Variants in PALS2 observed in about 807,000 individuals in gnomAD.
PALS2 encodes the protein protein PALS2.
A neutral mutation model predicts 61.6 loss-of-function variants in PALS2; 27 were observed. The observed-to-expected ratio is 0.44, with a 90% CI of 0.32 to 0.60. The LOEUF (loss-of-function observed/expected upper bound fraction) is 0.60, where lower values mean the gene tolerates loss of function less well. PALS2 is among the 20% of genes least tolerant of loss of function. The pLI is 0.05. For missense variants in PALS2, 554 were observed against 639.4 expected, an observed-to-expected ratio of 0.87 and a Z score of 1.44; for synonymous variants, 236 against 218.6, an observed-to-expected ratio of 1.08 and a Z score of -0.70.
At chr7:24,625,101 A>G (rs548511200) in intron 2 of PALS2, among the ~76,000 whole-genome samples, 18 of 152,272 alleles carry the variant, frequency 1.2e-4, no homozygotes, top group South Asian at 6.2e-4. Context: ...TTTCAGATTC[A>G]AACTTGTCAT....
rs187133660 is a variant in PALS2, at chr7:24,606,995, G to T, written c.-2-16671G>T. On this transcript the variant is annotated intron_variant, in intron 1 of 11. Transcript: ENST00000222644. ...CAAAGTTTTGACTATGACCTGTCACGTGAGGTCAGGTGTGGAATTTTCCAC... is the reference window on the plus strand; with the variant it reads ...CAAAGTTTTGACTATGACCTGTCACTTGAGGTCAGGTGTGGAATTTTCCAC... Among the ~76,000 whole-genome samples, 15 of 152,224 alleles carry T rather than the reference G, an allele frequency of 9.9e-5. 1 individual carries two copies. Among genetic ancestry groups the T allele is most frequent in the Admixed American group, 7.2e-4 (11 of 15,268 alleles).
chr7:24,576,119 A>G (rs1246474304), intron 1 of PALS2, among the ~76,000 whole-genome samples: 1 of 152,260 alleles, frequency 6.6e-6, no homozygotes, highest in East Asian at 1.9e-4. Flanking sequence ...TAGGCGGAGA[A>G]AAATTATGCT....
intron 7 of PALS2, 129 bp from the exon 8 acceptor site, chr7:24,665,892 T>C (rs1786992804): frequency 9.8e-7 from 1 of 1,015,886 alleles, no homozygotes; most frequent in African/African-American, 1.6e-5. Flanking sequence ...TTAACTCACC[T>C]CCACCCTCTT....
intron 6 of PALS2, among the ~76,000 whole-genome samples, chr7:24,665,258 A>T (rs1238342542): frequency 6.6e-6 from 1 of 152,230 alleles, no homozygotes; most frequent in Non-Finnish European, 1.5e-5. Context: ...AAAGGGTGCT[A>T]GATAAAATGT....
At chr7:24,651,837 A>G (rs148680608) in intron 5 of PALS2, among the ~76,000 whole-genome samples, 45 of 152,336 alleles carry the variant, frequency 3.0e-4, no homozygotes, top group African/African-American at 9.1e-4. Flanking sequence ...TAGTTCTTAC[A>G]TTTCCATACA....
In PALS2 at chr7:24,630,398, G is replaced by A. The variant is rs11761409; in HGVS notation, c.117+6614G>A. 2.0e-5 allele frequency among the ~76,000 whole-genome samples: 3 copies of A among 152,188 alleles called. No homozygotes were observed. The South Asian group carries it at 6.2e-4, about 32-fold the overall frequency. ...TACCTAATGTAGATGATGGGTTGAT[G>A]GGTGCAGCAAACCACCATGGCACAT... On this transcript the variant is annotated intron_variant, in intron 2 of 11. Coordinates refer to ENST00000222644, the MANE Select transcript of PALS2 (RefSeq NM_001303037.2).
Position 24,688,839 on chromosome 7 carries a change from A to T in PALS2, c.*1225A>T, listed in dbSNP as rs969551762. On this transcript the variant is annotated 3_prime_UTR_variant, in exon 12 of 12. Transcript: ENST00000222644. ...TTTTTGTTTGTTTGTTTTGAGATGG[A>T]GTCTCTCTCTGTCACCCATGCTGGA... 1.3e-5 allele frequency: 2 copies of T among 151,558 alleles called. No homozygotes were observed. The highest frequency in any genetic ancestry group is 1.3e-4 in the Admixed American group (2 of 15,206). The allele number at this position is 151,558 out of a possible 1,614,324, so 9.4% of individuals were successfully genotyped here.
intron 5 of PALS2, among the ~76,000 whole-genome samples, chr7:24,652,571 A>G (rs1235688231): frequency 6.6e-6 from 1 of 151,984 alleles, no homozygotes; most frequent in Non-Finnish European, 1.5e-5. Context: ...GGCTTCCAAA[A>G]GAACATCCAA....
chr7:24,668,367 C>G, intron 8 of PALS2, 132 bp from the exon 9 acceptor site: 1 of 770,488 alleles, frequency 1.3e-6, no homozygotes, highest in Non-Finnish European at 2.0e-6. Context: ...AAAAACAAAT[C>G]TATGCTAAGT....
In PALS2 at chr7:24,595,460, T is replaced by A. The variant is rs534172004; in HGVS notation, c.-3+21867T>A. On this transcript the variant is annotated intron_variant, in intron 1 of 11. Transcript: ENST00000222644. ...TAAAATACATAATATATAATATATA[T>A]AAATATATATAAATATGTAAATATA... is the stretch of plus-strand genomic sequence containing the variant. Among the ~76,000 whole-genome samples the A allele has an allele frequency of 2.4e-3, 334 of 137,222 alleles. 2 individuals carry two copies. Among genetic ancestry groups the A allele is most frequent in the African/African-American group, 8.6e-3 (314 of 36,356 alleles). 90.0% of individuals were successfully genotyped at this position (137,222 alleles called of 152,430 possible).
chr7:24,677,585 C>T (rs947047590), intron 9 of PALS2, among the ~76,000 whole-genome samples: 6 of 151,310 alleles, frequency 4.0e-5, no homozygotes, highest in Non-Finnish European at 7.4e-5. Context: ...GCATGAAGGG[C>T]TGTTGAATTT....
intron 3 of PALS2, 54 bp downstream of exon 3, chr7:24,641,922 C>A: frequency 1.3e-6 from 2 of 1,533,678 alleles, no homozygotes; most frequent in South Asian, 1.2e-5. Context: ...AAAGTATTCT[C>A]CTTTACTTTC....
At chr7:24,681,182 C>A (rs1167440823) in intron 11 of PALS2, among the ~76,000 whole-genome samples, 2 of 151,766 alleles carry the variant, frequency 1.3e-5, no homozygotes, top group Non-Finnish European at 2.9e-5. Context: ...GTGGGGTGTT[C>A]TGATGTTTAG....
chr7:24,649,644 A>C lies in PALS2; in HGVS notation c.303A>C (p.Ser101=). The change falls in exon 4 of 12, where the codon TCA becomes TCC. Residue 101 remains serine (S), a synonymous_variant. Transcript: ENST00000222644. ...TGGAGGCCCATGATATTGTGGCATCAAAGTGTTATGATTCACCTCCATCAA... is the reference window on the plus strand; with the variant it reads ...TGGAGGCCCATGATATTGTGGCATCCAAGTGTTATGATTCACCTCCATCAA... ...SLLEAHDIVA[S]KCYDSPPSSP... 6.2e-7 allele frequency: 1 copy of C among 1,610,560 alleles called. No individual in the cohort carries two copies. Among genetic ancestry groups the C allele is most frequent in the Non-Finnish European group, 8.5e-7 (1 of 1,178,460 alleles).
rs1002954495 is a variant in PALS2, at chr7:24,689,196, T to G, written c.*1582T>G. 2 of 152,200 alleles carry G rather than the reference T, an allele frequency of 1.3e-5. No individual in the cohort carries two copies. The highest frequency in any genetic ancestry group is 2.9e-5 in the Non-Finnish European group (2 of 68,042). 9.4% of individuals were successfully genotyped at this position (152,200 alleles called of 1,614,324 possible). A position where few individuals can be genotyped will look rare whatever the true frequency, so the allele number is the denominator to read the frequency against. The stretch of plus-strand genomic sequence containing the variant: ...ACTTATACAAATTCCCACATTCACC[T>G]CAGTTAATATCTTCCTTTAGGATTC... On this transcript the variant is annotated 3_prime_UTR_variant, in exon 12 of 12. Transcript: ENST00000222644.
intron 8 of PALS2, 81 bp downstream of exon 8, chr7:24,666,170 C>T: frequency 1.6e-6 from 2 of 1,257,744 alleles, no homozygotes; most frequent in Middle Eastern, 5.1e-4. Flanking sequence ...GAATATACAG[C>T]TTTAAGTGAG....
chr7:24,588,832 A>G (rs1043276995), intron 1 of PALS2, among the ~76,000 whole-genome samples: 3 of 152,222 alleles, frequency 2.0e-5, no homozygotes, highest in Non-Finnish European at 4.4e-5. Context: ...TCATCATAAT[A>G]TGAAGATAAA....
At chr7:24,683,774 G>A (rs1456895323) in intron 11 of PALS2, among the ~76,000 whole-genome samples, 2 of 151,894 alleles carry the variant, frequency 1.3e-5, no homozygotes, top group African/African-American at 2.4e-5. Context: ...ATGCTTTTCT[G>A]TTTGTATATT....
chr7:24,595,881 G>C (rs1306540964), intron 1 of PALS2, among the ~76,000 whole-genome samples: 1 of 135,612 alleles, frequency 7.4e-6, no homozygotes, highest in Non-Finnish European at 1.6e-5. Context: ...GCATTTCAAG[G>C]AGAGAGAACA....
Sources: allele counts gnomAD v4.1 joint callset (sites outside exome capture counted in the v4.1 genomes callset), GRCh38; gene constraint gnomAD v4.1.1; transcripts MANE v1.5; gene names NCBI Gene and HGNC (gene_info 2026-07-23, HGNC 2026-07-21).